Variants in FNDC1 observed in about 807,000 individuals in gnomAD.
FNDC1 encodes the protein fibronectin type III domain-containing protein 1.
A neutral mutation model predicts 168.0 loss-of-function variants in FNDC1; 96 were observed. The ratio of observed to expected loss-of-function variants is 0.57; its 90% CI spans 0.48 to 0.68. The LOEUF is 0.68. FNDC1 is among the 30% of genes least tolerant of loss of function. FNDC1 has a pLI of 0.00. For synonymous variants in FNDC1, 1,099 were observed against 1,025.9 expected, an observed-to-expected ratio of 1.07 and a Z score of -1.36; for missense variants, 2,587 against 2,482.1, an observed-to-expected ratio of 1.04 and a Z score of -0.90.
At chr6:159,254,703 G>A (rs1170007791) in intron 17 of FNDC1, among the ~76,000 whole-genome samples, 20 of 51,066 alleles carry the variant, frequency 3.9e-4, no homozygotes, top group African/African-American at 1.6e-3. Flanking sequence ...GCAAGACTTC[G>A]TCTCAAAAAA....
Position 159,232,261 on chromosome 6 carries a change from A to G in FNDC1, c.1749A>G (p.Ala583=). The G allele has an allele frequency of 6.2e-7, 1 of 1,611,176 alleles. No individual in the cohort carries two copies. Among genetic ancestry groups the G allele is most frequent in the Non-Finnish European group, 8.5e-7 (1 of 1,178,710 alleles). ...GHSVVAPGRT[A]VRARMPALPR... ...CGGTGGTTGCTCCCGGCAGGACTGCAGTGAGGGCCCGGATGCCAGCGCTGC... is the reference window on the plus strand; with the variant it reads ...CGGTGGTTGCTCCCGGCAGGACTGCGGTGAGGGCCCGGATGCCAGCGCTGC... The change falls in exon 11 of 23, where the codon GCA becomes GCG. Residue 583 remains alanine (A), a synonymous_variant. Transcript: ENST00000297267. This position sits in a 1 kb window ranked among gnomAD's most constrained non-coding sequence, Gnocchi z 4.9.
At chr6:159,256,693 G>T in intron 18 of FNDC1, 62 bp downstream of exon 18, 4 of 1,264,318 alleles carry the variant, frequency 3.2e-6, no homozygotes, top group Non-Finnish European at 4.6e-6. Context: ...GATTTGCTTT[G>T]GTTGGAAATG....
chr6:159,235,223 G>A (rs1783222822), intron 11 of FNDC1, among the ~76,000 whole-genome samples: 1 of 152,302 alleles, frequency 6.6e-6, no homozygotes, highest in African/African-American at 2.4e-5. Flanking sequence ...GGCAGGGTCC[G>A]AGGCATTTAC....
chr6:159,216,615 G>C (rs1358258347), intron 5 of FNDC1, among the ~76,000 whole-genome samples: 1 of 152,210 alleles, frequency 6.6e-6, no homozygotes, highest in Non-Finnish European at 1.5e-5. Context: ...GTTGGAAGGA[G>C]CATGGGGCAA....
At chr6:159,186,089 C>G (rs1039117658) in intron 1 of FNDC1, among the ~76,000 whole-genome samples, 1 of 152,164 alleles carries the variant, frequency 6.6e-6, no homozygotes, top group Non-Finnish European at 1.5e-5. Context: ...TTCCTATTGG[C>G]TTGAGAGTTT....
intron 17 of FNDC1, among the ~76,000 whole-genome samples, chr6:159,252,262 A>G (rs1321964402): frequency 6.6e-6 from 1 of 152,204 alleles, no homozygotes; most frequent in Non-Finnish European, 1.5e-5. Flanking sequence ...AGGAAGAAGT[A>G]TGGCTGTGGC....
Position 159,232,366 on chromosome 6 carries a change from C to T in FNDC1, c.1854C>T (p.Ala618=), listed in dbSNP as rs755557325. 2.8e-5 allele frequency: 45 copies of T among 1,613,502 alleles called. No homozygotes were observed. The highest frequency in any genetic ancestry group is 3.5e-5 in the Non-Finnish European group (41 of 1,179,720). The stretch of plus-strand genomic sequence containing the variant: ...CAGGGGCGCCCCCCTCGGCTTCGGC[C>T]TCTCCTGCCCACCACGCGTCCACCC... ...PRPGAPPSAS[A]SPAHHASTQG... The change falls in exon 11 of 23, where the codon GCC becomes GCT. Residue 618 remains alanine, a synonymous_variant. Coordinates refer to ENST00000297267, the MANE Select transcript of FNDC1 (RefSeq NM_032532.3). The surrounding 1 kb of genome is among the most constrained non-coding windows in gnomAD (Gnocchi z 4.9).
In FNDC1 at chr6:159,189,802, G is replaced by A. The variant is rs572735629; in HGVS notation, c.110-7629G>A. ...TTTAAATTTCCCCTGGGAATTTTGT[G>A]ATGGGAGGGATTTCTGTGAAAATCT... On this transcript the variant is annotated intron_variant, in intron 1 of 22. Transcript: ENST00000297267. 2.0e-5 allele frequency among the ~76,000 whole-genome samples: 3 copies of A among 152,360 alleles called. No individual in the cohort carries two copies. The South Asian group carries it at 6.2e-4, about 32-fold the overall frequency.
chr6:159,257,936 G>C (rs1174018592), intron 18 of FNDC1, among the ~76,000 whole-genome samples: 2 of 140,142 alleles, frequency 1.4e-5, no homozygotes, highest in Non-Finnish European at 3.0e-5. Flanking sequence ...CGAGTGCAGA[G>C]TGACAATGCT....
At chr6:159,221,332 T>G (rs1050380170) in intron 5 of FNDC1, among the ~76,000 whole-genome samples, 17 of 152,250 alleles carry the variant, frequency 1.1e-4, no homozygotes, top group African/African-American at 3.9e-4. Context: ...TTTTTGATGC[T>G]GATGAGGTAG....
intron 17 of FNDC1, among the ~76,000 whole-genome samples, chr6:159,253,392 A>G (rs1346389475): frequency 6.6e-6 from 1 of 152,220 alleles, no homozygotes; most frequent in Non-Finnish European, 1.5e-5. Context: ...CCAAGTGAAT[A>G]CATCCTAAAC....
intron 21 of FNDC1, 56 bp from the exon 22 acceptor site, chr6:159,267,748 A>T: frequency 6.2e-7 from 1 of 1,603,340 alleles, no homozygotes; most frequent in Middle Eastern, 1.7e-4. Flanking sequence ...AAAAACTCCT[A>T]AACCAGTTGT....
Position 159,249,033 on chromosome 6 carries a change from T to G in FNDC1, c.4691-6T>G, listed in dbSNP as rs1777199910. The G allele has an allele frequency of 6.3e-7, 1 of 1,592,518 alleles. No individual in the cohort carries two copies. Among genetic ancestry groups the G allele is most frequent in the Non-Finnish European group, 8.6e-7 (1 of 1,169,232 alleles). ...GCCCAATTACAGAGCCTTCATATCA[T>G]TTCAGATTATGAATTTGAGACGTCA... is the stretch of plus-strand genomic sequence containing the variant. On this transcript the variant is annotated splice_region_variant and splice_polypyrimidine_tract_variant and intron_variant, in intron 15 of 22. Coordinates refer to ENST00000297267, the MANE Select transcript of FNDC1 (RefSeq NM_032532.3).
Position 159,269,503 on chromosome 6 carries a change from C to G in FNDC1, c.5569+1577C>G, listed in dbSNP as rs376030689. Among the ~76,000 whole-genome samples the G allele has an allele frequency of 4.8e-4, 52 of 108,378 alleles. 1 individual carries two copies. Among genetic ancestry groups the G allele is most frequent in the African/African-American group, 1.6e-3 (49 of 29,840 alleles). 71.1% of individuals were successfully genotyped at this position (108,378 alleles called of 152,430 possible). On this transcript the variant is annotated intron_variant, in intron 22 of 22. Coordinates refer to ENST00000297267, the MANE Select transcript of FNDC1 (RefSeq NM_032532.3). ...CTATCTATCTATCTATCTATCTATC[C>G]ATCCATCCATGCATCCATCCATCCA...
In FNDC1 at chr6:159,251,236, A is replaced by T. The variant is rs936229302; in HGVS notation, c.4835-66A>T. The T allele has an allele frequency of 8.3e-6, 10 of 1,204,952 alleles. No individual in the cohort carries two copies. The Admixed American group carries it at 9.6e-5, about 12-fold the overall frequency. 74.6% of individuals were successfully genotyped at this position (1,204,952 alleles called of 1,614,324 possible). ...TGGTGGGTCTGACTCTGTGGAACAGATGCTATGTTTCTGCCTCCAGAAAAA... is the reference window on the plus strand; with the variant it reads ...TGGTGGGTCTGACTCTGTGGAACAGTTGCTATGTTTCTGCCTCCAGAAAAA... On this transcript the variant is annotated intron_variant, in intron 16 of 22. Transcript: ENST00000297267.
chr6:159,225,985 C>A (rs1782948031), intron 8 of FNDC1, among the ~76,000 whole-genome samples: 1 of 152,138 alleles, frequency 6.6e-6, no homozygotes, highest in African/African-American at 2.4e-5. Context: ...CACATTAAAT[C>A]CCAGTGTGTA....
In FNDC1 at chr6:159,232,348, G is replaced by C; in HGVS notation, c.1836G>C (p.Ala612=). The part of the protein sequence containing the change: ...FSLATQPRPG[A]PPSASASPAH... ...TGGCCACGCAGCCCCGCCCAGGGGC[G>C]CCCCCCTCGGCTTCGGCCTCTCCTG... is the stretch of plus-strand genomic sequence containing the variant. The change falls in exon 11 of 23, where the codon GCG becomes GCC. Residue 612 remains alanine, a synonymous_variant. Coordinates refer to ENST00000297267, the MANE Select transcript of FNDC1 (RefSeq NM_032532.3). This position sits in a 1 kb window ranked among gnomAD's most constrained non-coding sequence, Gnocchi z 4.9. 1 of 1,613,432 alleles carries C rather than the reference G, an allele frequency of 6.2e-7. No homozygotes were observed. The highest frequency in any genetic ancestry group is 1.1e-5 in the South Asian group (1 of 91,038).
At position 159,249,073 on chromosome 6, in the gene FNDC1, C is replaced by G; in HGVS notation, c.4725C>G (p.Thr1575=). 6.2e-7 allele frequency: 1 copy of G among 1,603,956 alleles called. No individual in the cohort carries two copies. Among genetic ancestry groups the G allele is most frequent in the Non-Finnish European group, 8.5e-7 (1 of 1,175,096 alleles). The change falls in exon 16 of 23, where the codon ACC becomes ACG. Residue 1575 remains threonine, a synonymous_variant. Coordinates refer to ENST00000297267, the MANE Select transcript of FNDC1 (RefSeq NM_032532.3). Reference sequence around the variant, plus strand: ...TTGAGACGTCAAGGCCACCAACCACCACTGAGCCTTCGACCACTGCTACCA... The same window carrying G: ...TTGAGACGTCAAGGCCACCAACCACGACTGAGCCTTCGACCACTGCTACCA... The part of the protein sequence containing the change: ...YEFETSRPPT[T]TEPSTTATTP...
At chr6:159,199,944 T>C in intron 2 of FNDC1, 52 bp from the exon 3 acceptor site, 2 of 1,462,304 alleles carry the variant, frequency 1.4e-6, no homozygotes, top group Non-Finnish European at 9.4e-7. Flanking sequence ...AGTGAAACTG[T>C]GTCATTCTTG....
Sources: allele counts gnomAD v4.1 joint callset (sites outside exome capture counted in the v4.1 genomes callset), GRCh38; gene constraint gnomAD v4.1.1; non-coding constraint Gnocchi (gnomAD v3.1); transcripts MANE v1.5; gene names NCBI Gene and HGNC (gene_info 2026-07-23, HGNC 2026-07-21).